Variants in KIF11 observed in about 807,000 individuals in gnomAD.
KIF11 encodes the protein kinesin-like protein KIF11.
KIF11 carries 9 observed loss-of-function variants against 121.0 expected under a neutral mutation model. The ratio of observed to expected loss-of-function variants is 0.07; its 90% CI spans 0.04 to 0.13. The LOEUF (loss-of-function observed/expected upper bound fraction) is 0.13. KIF11 is among the 10% of genes least tolerant of loss of function. The pLI is 1.00. For missense variants in KIF11, 846 were observed against 1,217.5 expected (o/e 0.69, Z 4.54); for synonymous variants, 408 against 421.0 (o/e 0.97, Z 0.38).
intron 9 of KIF11, among the ~76,000 whole-genome samples, chr10:92,617,191 G>C (rs576590950): frequency 2.6e-5 from 4 of 152,238 alleles, no homozygotes; most frequent in South Asian, 2.1e-4. Context: ...GTATAACCAC[G>C]ATCTAGTTTT....
intron 1 of KIF11, among the ~76,000 whole-genome samples, chr10:92,606,058 A>C (rs1330456553): frequency 5.3e-5 from 8 of 152,330 alleles, no homozygotes; most frequent in Admixed American, 5.2e-4. Context: ...ATATCTTTGA[A>C]CATTTAAAAA....
intron 6 of KIF11, among the ~76,000 whole-genome samples, chr10:92,610,935 CTT>C (rs1844488765): frequency 6.6e-6 from 1 of 152,056 alleles, no homozygotes; most frequent in African/African-American, 2.4e-5. Context: ...TTGATTATAA[CTT>C]AATTTCATGT....
At chr10:92,645,699 T>C in intron 18 of KIF11, 57 bp downstream of exon 18, 2 of 1,275,880 alleles carry the variant, frequency 1.6e-6, no homozygotes, top group Non-Finnish European at 2.2e-6. Context: ...GAAAGTTAAA[T>C]ATTCTTGGCT....
chr10:92,633,411 C>G (rs890355076), intron 13 of KIF11, among the ~76,000 whole-genome samples: 1 of 151,986 alleles, frequency 6.6e-6, no homozygotes, highest in Non-Finnish European at 1.5e-5. Flanking sequence ...GTCTGATACA[C>G]TTACAAATAT....
chr10:92,626,186 A>C (rs1844674628), intron 10 of KIF11, among the ~76,000 whole-genome samples: 1 of 152,240 alleles, frequency 6.6e-6, no homozygotes, highest in African/African-American at 2.4e-5. Context: ...ACAGGGCTAC[A>C]GTAACCAAAA....
rs1218613557 is a variant in KIF11 at position 92,645,661 on chromosome 10, G to A, written c.2547+19G>A. 1.3e-6 allele frequency: 2 copies of A among 1,522,820 alleles called. No individual in the cohort carries two copies. Among genetic ancestry groups the A allele is most frequent in the African/African-American group, 1.4e-5 (1 of 71,772 alleles). The allele number at this position is 1,522,820 out of a possible 1,614,324, so 94.3% of individuals were successfully genotyped here. A position where few individuals can be genotyped will look rare whatever the true frequency, so the allele number is the denominator to read the frequency against. ...ATTGGAGGTAATAACTTTGTAAGTG[G>A]AACTTACTTTGGGGAGAATAATAAT... is the stretch of plus-strand genomic sequence containing the variant. On this transcript the variant is annotated intron_variant, in intron 18 of 21. Coordinates refer to ENST00000260731, the MANE Select transcript of KIF11 (RefSeq NM_004523.4).
At chr10:92,650,859 C>T (rs970860745) in intron 21 of KIF11, among the ~76,000 whole-genome samples, 3 of 151,988 alleles carry the variant, frequency 2.0e-5, no homozygotes, top group Non-Finnish European at 4.4e-5. Context: ...CCTATCTCTG[C>T]CCATAATCAG....
At chr10:92,643,546 A>G (rs1320782744) in intron 17 of KIF11, among the ~76,000 whole-genome samples, 1 of 146,204 alleles carries the variant, frequency 6.8e-6, no homozygotes, top group East Asian at 2.0e-4. Flanking sequence ...TTTTTAATGT[A>G]TCTACTAGAT....
intron 16 of KIF11, 23 bp downstream of exon 16, chr10:92,637,568 G>T (rs372316109): frequency 6.3e-7 from 1 of 1,588,588 alleles, no homozygotes; most frequent in Middle Eastern, 1.7e-4. Flanking sequence ...GCGGACTTGG[G>T]GAGTACAGAA....
chr10:92,650,051 A>G lies in KIF11; in HGVS notation c.2922+65A>G, dbSNP rs1392454831. 2.4e-6 allele frequency: 3 copies of G among 1,248,688 alleles called. No individual in the cohort carries two copies. In the Admixed American group the frequency reaches 6.2e-5, roughly 26 times the overall value. The allele number at this position is 1,248,688 out of a possible 1,614,324, so 77.4% of individuals were successfully genotyped here. On this transcript the variant is annotated intron_variant, in intron 20 of 21. Transcript: ENST00000260731. ...ATGAACTCTTGATGTGGCTGACTTCATGTGAAGAATTTTACTGTTTACCCC... is the reference window on the plus strand; with the variant it reads ...ATGAACTCTTGATGTGGCTGACTTCGTGTGAAGAATTTTACTGTTTACCCC...
At chr10:92,651,513 T>TTTC (rs1564719281) in intron 21 of KIF11, among the ~76,000 whole-genome samples, 14 of 43,790 alleles carry the variant, frequency 3.2e-4, no homozygotes, top group Admixed American at 9.9e-4. Context: ...TTTTGTTTTT[T>TTTC]TTTTTTTTTT....
In KIF11 at chr10:92,633,734, A is replaced by G. The variant is rs1474138203; in HGVS notation, c.1814A>G (p.Asn605Ser). 1.2e-5 allele frequency: 19 copies of G among 1,597,444 alleles called. No individual in the cohort carries two copies. The highest frequency in any genetic ancestry group is 1.6e-5 in the Non-Finnish European group (19 of 1,165,520). Residue 605 changes from asparagine (N) to serine (S), a missense_variant, in exon 14 of 22, where the codon AAT becomes AGT. Around this residue, in one of 5 missense-constraint regions of KIF11, gnomAD observed 492 missense variants for 603.4 expected, o/e 0.82. Transcript: ENST00000260731. ...NVSTHVSQIF[N>S]MILKEQSLAA... ...TCTACTCATGTTTCTCAGATTTTTAATATGATACTAAAAGAACAATCATTA... is the reference window on the plus strand; with the variant it reads ...TCTACTCATGTTTCTCAGATTTTTAGTATGATACTAAAAGAACAATCATTA...
At chr10:92,605,257 G>T (rs569163922) in intron 1 of KIF11, among the ~76,000 whole-genome samples, 38 of 152,202 alleles carry the variant, frequency 2.5e-4, no homozygotes, top group Admixed American at 8.5e-4. Context: ...ATTTAAAAAT[G>T]GGGCTAATAA....
At chr10:92,636,070 AC>A (rs775200969) in intron 14 of KIF11, among the ~76,000 whole-genome samples, 1 of 152,204 alleles carries the variant, frequency 6.6e-6, no homozygotes, top group Non-Finnish European at 1.5e-5. Context: ...CTTGACAAGA[AC>A]AACATCTTTC....
intron 11 of KIF11, among the ~76,000 whole-genome samples, chr10:92,629,757 C>T (rs1054382172): frequency 4.6e-5 from 7 of 152,094 alleles, no homozygotes; most frequent in African/African-American, 1.7e-4. Context: ...GGACTTCAGG[C>T]ATGCACTACC....
chr10:92,645,321 CT>C, intron 17 of KIF11, 41 bp from the exon 18 acceptor site: 3 of 1,454,500 alleles, frequency 2.1e-6, no homozygotes, highest in Non-Finnish European at 2.8e-6. Flanking sequence ...TCCTTTGAGT[CT>C]TAATTCCCCA....
chr10:92,626,420 A>G (rs551733593), intron 10 of KIF11, among the ~76,000 whole-genome samples: 2 of 152,366 alleles, frequency 1.3e-5, no homozygotes, highest in Admixed American at 1.3e-4. Context: ...CTCAAGATGG[A>G]TTAAAAACTT....
Position 92,593,246 on chromosome 10 carries a change from C to CATTAAAAA in KIF11, c.-130_-129insATTAAAAA. On this transcript the variant is annotated 5_prime_UTR_variant, in exon 1 of 22. Transcript: ENST00000260731. ...AGCGGGGACGCCGACCTGCGTGCGT[C>CATTAAAAA]GGTCCTCCAGGCCACGCCAGCGCCC... 1.2e-6 allele frequency: 1 copy of CATTAAAAA among 819,922 alleles called. No individual in the cohort carries two copies. Among genetic ancestry groups the CATTAAAAA allele is most frequent in the Non-Finnish European group, 1.9e-6 (1 of 525,618 alleles). 50.8% of individuals were successfully genotyped at this position (819,922 alleles called of 1,614,324 possible). A position where few individuals can be genotyped will look rare whatever the true frequency, so the allele number is the denominator to read the frequency against.
At chr10:92,646,706 A>T (rs967470288) in intron 18 of KIF11, among the ~76,000 whole-genome samples, 2 of 152,202 alleles carry the variant, frequency 1.3e-5, no homozygotes, top group African/African-American at 4.8e-5. Flanking sequence ...GGATTAAAAC[A>T]TATCAAATAT....
Sources: allele counts gnomAD v4.1 joint callset (sites outside exome capture counted in the v4.1 genomes callset), GRCh38; gene constraint gnomAD v4.1.1; regional missense constraint gnomAD v4.1.1; transcripts MANE v1.5; gene names NCBI Gene and HGNC (gene_info 2026-07-23, HGNC 2026-07-21).